ARHGAP44: variants seen among roughly 807,000 people sequenced by gnomAD.
ARHGAP44 encodes the protein Rho GTPase activating protein 44.
In ARHGAP44, 43 loss-of-function variants were observed where a neutral mutation model predicts 106.8. That is an observed-to-expected ratio of 0.40 (90% CI 0.32 to 0.52). The LOEUF is 0.52. ARHGAP44 is among the 20% of genes least tolerant of loss of function. ARHGAP44 has a pLI of 0.48. For missense variants in ARHGAP44, 866 were observed against 1,050.5 expected, an observed-to-expected ratio of 0.82 and a Z score of 2.43; for synonymous variants, 439 against 410.3, an observed-to-expected ratio of 1.07 and a Z score of -0.85.
intron 1 of ARHGAP44, among the ~76,000 whole-genome samples, chr17:12,812,064 A>C (rs1380201886): frequency 6.6e-6 from 1 of 152,158 alleles, no homozygotes; most frequent in Non-Finnish European, 1.5e-5. Flanking sequence ...CTCATTCAAC[A>C]AAGAGTATTT....
intron 13 of ARHGAP44, 139 bp downstream of exon 13, chr17:12,952,720 CTCT>C: frequency 4.8e-5 from 16 of 331,148 alleles, no homozygotes; most frequent in South Asian, 1.8e-4. Context: ...CATGCATGGT[CTCT>C]TTTTTTTTTT....
At chr17:12,835,709 AG>A (rs1483139400) in intron 1 of ARHGAP44, among the ~76,000 whole-genome samples, 2 of 152,206 alleles carry the variant, frequency 1.3e-5, no homozygotes, top group African/African-American at 2.4e-5. Context: ...AATCTTGTTA[AG>A]TATATTCACA....
chr17:12,978,497 C>T (rs1598154524), intron 18 of ARHGAP44, among the ~76,000 whole-genome samples: 1 of 152,330 alleles, frequency 6.6e-6, no homozygotes, highest in East Asian at 1.9e-4. Context: ...TATTTCTTTG[C>T]ATGAGGAAAA....
chr17:12,852,912 GA>G (rs1403058978), intron 1 of ARHGAP44, among the ~76,000 whole-genome samples: 4 of 152,176 alleles, frequency 2.6e-5, no homozygotes, highest in Non-Finnish European at 4.4e-5. Flanking sequence ...TGGTCAGGTG[GA>G]TTTTTTAAAG....
chr17:12,819,847 T>C lies in ARHGAP44; in HGVS notation c.53+29956T>C, dbSNP rs1201830483. Among the ~76,000 whole-genome samples, 3 of 152,112 alleles carry C rather than the reference T, an allele frequency of 2.0e-5. No individual in the cohort carries two copies. In the East Asian group the frequency reaches 5.8e-4, roughly 29 times the overall value. ...TTGCTGATTGTGTTATTACCAATGC[T>C]GCCCCCTCATTGTTGCTTGCCTTTT... On this transcript the variant is annotated intron_variant, in intron 1 of 20. Coordinates refer to ENST00000379672, the MANE Select transcript of ARHGAP44 (RefSeq NM_014859.6).
At chr17:12,894,289 G>A (rs984654656) in intron 1 of ARHGAP44, among the ~76,000 whole-genome samples, 29 of 139,010 alleles carry the variant, frequency 2.1e-4, no homozygotes, top group African/African-American at 6.8e-4. Flanking sequence ...CAGATAAAGA[G>A]AGAGTGAGAA....
At chr17:12,974,457 C>T (rs940239979) in intron 18 of ARHGAP44, 147 bp downstream of exon 18, 2 of 686,442 alleles carry the variant, frequency 2.9e-6, no homozygotes, top group African/African-American at 3.8e-5. Flanking sequence ...CTGCGTCGCG[C>T]TGGCACCAAG....
chr17:12,827,831 G>A (rs1042599861), intron 1 of ARHGAP44, among the ~76,000 whole-genome samples: 1 of 151,878 alleles, frequency 6.6e-6, no homozygotes, highest in Non-Finnish European at 1.5e-5. Context: ...TTGAGGTCAG[G>A]AGTTCAAGAC....
Position 12,944,155 on chromosome 17 carries a change from G to A in ARHGAP44, c.820G>A (p.Ala274Thr), listed in dbSNP as rs1227533566. 3.7e-6 allele frequency: 6 copies of A among 1,612,274 alleles called. No individual in the cohort carries two copies. In the African/African-American group the frequency reaches 4.0e-5, roughly 11 times the overall value. The change falls in exon 10 of 21, where the codon GCG (alanine) becomes ACG (threonine). Residue 274 changes from alanine (A) to threonine (T), a missense_variant. By Grantham distance (58) the Ala-to-Thr change is moderately conservative (BLOSUM62 0). This residue lies in a region of ARHGAP44 where 448 missense variants were observed against 646.9 expected (regional missense o/e 0.69). Coordinates refer to ENST00000379672, the MANE Select transcript of ARHGAP44 (RefSeq NM_014859.6). The stretch of plus-strand genomic sequence containing the variant: ...CCGGGAGATCGCCTTCCCCATCGAG[G>A]CGTGTGTGACCATGCTGCTTGAGTG... ...SGREIAFPIE[A>T]CVTMLLECGM...
intron 1 of ARHGAP44, among the ~76,000 whole-genome samples, chr17:12,811,275 T>C (rs1049628489): frequency 6.8e-6 from 1 of 147,954 alleles, no homozygotes; most frequent in Non-Finnish European, 1.5e-5. Context: ...ATCGCACCAC[T>C]GCACTCCAGC....
At chr17:12,853,613 G>GT (rs1381076749) in intron 1 of ARHGAP44, among the ~76,000 whole-genome samples, 3 of 152,186 alleles carry the variant, frequency 2.0e-5, no homozygotes, top group African/African-American at 7.2e-5. Context: ...ATCAGAAACT[G>GT]TTTTTATCAC....
At chr17:12,860,832 A>G (rs547012909) in intron 1 of ARHGAP44, among the ~76,000 whole-genome samples, 26 of 150,712 alleles carry the variant, frequency 1.7e-4, no homozygotes, top group Non-Finnish European at 2.8e-4. Context: ...AATTGGACCA[A>G]TCGGTATATG....
At chr17:12,989,165 A>G (rs940829559) in intron 20 of ARHGAP44, among the ~76,000 whole-genome samples, 3 of 150,976 alleles carry the variant, frequency 2.0e-5, no homozygotes, top group Non-Finnish European at 2.9e-5. Context: ...ACGAGAGTAA[A>G]GGACCCAGGG....
rs1018733660 is a variant in ARHGAP44 at position 12,933,921 on chromosome 17, T to A, written c.582+4875T>A. 4.0e-5 allele frequency among the ~76,000 whole-genome samples: 6 copies of A among 150,924 alleles called. No individual in the cohort carries two copies. In the Admixed American group the frequency reaches 4.0e-4, roughly 10 times the overall value. ...TGGAGTGTGGTGGCACGATCTCGGC[T>A]CACTGCAAGCTCCGCCTCCCGGGTT... On this transcript the variant is annotated intron_variant, in intron 7 of 20. Transcript: ENST00000379672.
chr17:12,897,569 C>G (rs2037248389), intron 3 of ARHGAP44, among the ~76,000 whole-genome samples: 1 of 151,822 alleles, frequency 6.6e-6, no homozygotes, highest in South Asian at 2.1e-4. Context: ...ATCAGGAATT[C>G]AGCAAGAGGA....
intron 18 of ARHGAP44, among the ~76,000 whole-genome samples, chr17:12,979,371 T>C (rs1453688797): frequency 6.6e-6 from 1 of 152,136 alleles, no homozygotes; most frequent in Non-Finnish European, 1.5e-5. Context: ...GGGTGCCTCA[T>C]TGTCAATTCC....
chr17:12,802,452 G>A (rs1294565970), intron 1 of ARHGAP44, among the ~76,000 whole-genome samples: 2 of 152,168 alleles, frequency 1.3e-5, no homozygotes, highest in African/African-American at 4.8e-5. Flanking sequence ...GGTCACTCAG[G>A]TGATTCACAT....
intron 7 of ARHGAP44, among the ~76,000 whole-genome samples, chr17:12,933,185 G>A (rs1290369634): frequency 4.6e-5 from 7 of 152,096 alleles, no homozygotes; most frequent in Non-Finnish European, 5.9e-5. Context: ...GGGTTTCCTC[G>A]AATGGGTTAT....
intron 1 of ARHGAP44, among the ~76,000 whole-genome samples, chr17:12,819,352 G>T (rs545691748): frequency 6.6e-6 from 1 of 151,938 alleles, no homozygotes; most frequent in South Asian, 2.1e-4. Flanking sequence ...GTGGACATTT[G>T]AATTATTTCC....
Sources: gnomAD v4.1 joint callset for allele counts (sites outside exome capture counted in the v4.1 genomes callset) on GRCh38, gnomAD v4.1.1 for gene constraint, gnomAD v4.1.1 regional missense constraint, MANE v1.5 for transcripts, NCBI Gene and HGNC (gene_info 2026-07-23, HGNC 2026-07-21) for gene names.